HPSE2: variants seen among roughly 807,000 people sequenced by gnomAD.
HPSE2 encodes the protein inactive heparanase-2.
A neutral mutation model predicts 60.5 loss-of-function variants in HPSE2; 38 were observed. The observed-to-expected ratio is 0.63, with a 90% CI of 0.48 to 0.82. The LOEUF (loss-of-function observed/expected upper bound fraction) is 0.82, where lower values mean the gene tolerates loss of function less well. Ranked by LOEUF, HPSE2 falls within the 40% of genes least tolerant of loss-of-function variation. The probability of loss-of-function intolerance (pLI) is 0.00; values close to 1 mark genes in which losing one functional copy is unlikely to be tolerated. For synonymous variants in HPSE2, 295 were observed against 293.2 expected, an observed-to-expected ratio of 1.01 and a Z score of -0.06; for missense variants, 713 against 740.4, an observed-to-expected ratio of 0.96 and a Z score of 0.43.
intron 2 of HPSE2, among the ~76,000 whole-genome samples, chr10:99,181,486 G>A (rs957033695): frequency 1.3e-5 from 2 of 150,554 alleles, no homozygotes; most frequent in East Asian, 2.0e-4. Flanking sequence ...CAACCAAAAC[G>A]CCCATCAATG....
At chr10:99,207,862 C>A (rs919216596) in intron 2 of HPSE2, among the ~76,000 whole-genome samples, 30 of 151,796 alleles carry the variant, frequency 2.0e-4, no homozygotes, top group African/African-American at 7.0e-4. Context: ...TGCCTGAAAC[C>A]ACACATAGTA....
upstream of HPSE2, among the ~76,000 whole-genome samples, chr10:99,239,778 G>A (rs1331697344): frequency 6.6e-6 from 1 of 151,884 alleles, no homozygotes; most frequent in Non-Finnish European, 1.5e-5. Flanking sequence ...AATAAAAACT[G>A]TCAACTACTT....
At chr10:98,562,881 A>G (rs913953228) in intron 9 of HPSE2, among the ~76,000 whole-genome samples, 1 of 151,828 alleles carries the variant, frequency 6.6e-6, no homozygotes, top group South Asian at 2.1e-4. Flanking sequence ...TATTTGGATG[A>G]TTTTACAAGA....
At chr10:99,032,784 C>T (rs967813667) in intron 3 of HPSE2, among the ~76,000 whole-genome samples, 3 of 152,140 alleles carry the variant, frequency 2.0e-5, no homozygotes, top group Non-Finnish European at 2.9e-5. Flanking sequence ...TAGAAGCTGT[C>T]CACACTCCTT....
intron 4 of HPSE2, among the ~76,000 whole-genome samples, chr10:98,727,105 G>T (rs1222071698): frequency 6.6e-6 from 1 of 151,992 alleles, no homozygotes; most frequent in Admixed American, 6.6e-5. Context: ...AAAAACTTAA[G>T]AGATATCAGT....
chr10:98,938,231 T>C lies in HPSE2; in HGVS notation c.611-194175A>G, dbSNP rs1387818145. ...TTCCTCACCAGCAACGGAACAAAGC[T>C]GGACGGAGAATGACTTTGACGAGTT... is the stretch of plus-strand genomic sequence containing the variant. On this transcript the variant is annotated intron_variant, in intron 3 of 11. Coordinates refer to ENST00000370552, the MANE Select transcript of HPSE2 (RefSeq NM_021828.5). Among the ~76,000 whole-genome samples the C allele has an allele frequency of 9.0e-4, 131 of 145,032 alleles. 5 individuals are homozygous for C. The highest frequency in any genetic ancestry group is 8.9e-3 in the Admixed American group (131 of 14,676).
chr10:98,803,060 T>G (rs1950953791), intron 3 of HPSE2, among the ~76,000 whole-genome samples: 1 of 151,290 alleles, frequency 6.6e-6, no homozygotes, highest in South Asian at 2.1e-4. Context: ...TTTGCATTTC[T>G]CTGATGGCCA....
intron 3 of HPSE2, among the ~76,000 whole-genome samples, chr10:99,120,678 T>G (rs1844915661): frequency 6.6e-6 from 1 of 152,300 alleles, no homozygotes; most frequent in East Asian, 1.9e-4. Context: ...TTCACCATGT[T>G]GGCCAGGATG....
At chr10:98,875,473 C>T (rs996233706) in intron 3 of HPSE2, among the ~76,000 whole-genome samples, 2 of 151,928 alleles carry the variant, frequency 1.3e-5, no homozygotes, top group African/African-American at 2.4e-5. Context: ...CAAGACTAAA[C>T]CAGGAAGAAG....
At chr10:99,297,508 C>T in the HPSE2 span, among the ~76,000 whole-genome samples, 1 of 152,246 alleles carries the variant, frequency 6.6e-6, no homozygotes, top group East Asian at 1.9e-4. Flanking sequence ...ATGTCCTTGT[C>T]ACCCCTTCTC....
At chr10:98,880,561 T>A (rs1292546156) in intron 3 of HPSE2, among the ~76,000 whole-genome samples, 1 of 152,064 alleles carries the variant, frequency 6.6e-6, no homozygotes, top group African/African-American at 2.4e-5. Flanking sequence ...GTAACTCAGA[T>A]GTCCTGCTCT....
intron 9 of HPSE2, among the ~76,000 whole-genome samples, chr10:98,499,628 G>T (rs1449687240): frequency 6.6e-6 from 1 of 151,942 alleles, no homozygotes; most frequent in African/African-American, 2.4e-5. Context: ...AAAAACCAAG[G>T]TACACAGGCA....
At chr10:98,790,323 T>C (rs1426077163) in intron 3 of HPSE2, among the ~76,000 whole-genome samples, 2 of 152,218 alleles carry the variant, frequency 1.3e-5, no homozygotes, top group African/African-American at 4.8e-5. Context: ...CCAATTTCAA[T>C]TCCTTTGGAT....
chr10:99,179,309 A>G (rs1847661313), intron 2 of HPSE2, among the ~76,000 whole-genome samples: 2 of 152,232 alleles, frequency 1.3e-5, no homozygotes, highest in Non-Finnish European at 2.9e-5. Context: ...GTATTCAAAT[A>G]GGAAAAGAGG....
the HPSE2 span, among the ~76,000 whole-genome samples, chr10:99,303,550 C>A: frequency 6.6e-6 from 1 of 152,150 alleles, no homozygotes; most frequent in African/African-American, 2.4e-5. Flanking sequence ...AATGGAAGGG[C>A]CCCTATCAGG....
At chr10:98,476,321 T>G (rs1215378384) in intron 11 of HPSE2, among the ~76,000 whole-genome samples, 5 of 93,352 alleles carry the variant, frequency 5.4e-5, no homozygotes, top group East Asian at 3.7e-4. Flanking sequence ...TGGGGACTGT[T>G]GTGGGGTGGG....
chr10:99,164,512 G>T (rs1846987655), intron 2 of HPSE2, among the ~76,000 whole-genome samples: 1 of 151,220 alleles, frequency 6.6e-6, no homozygotes, highest in South Asian at 2.1e-4. Flanking sequence ...ACAAAACCTG[G>T]TTCCTTTTGT....
chr10:99,286,611 G>T, the HPSE2 span, among the ~76,000 whole-genome samples: 8 of 152,106 alleles, frequency 5.3e-5, no homozygotes, highest in African/African-American at 7.2e-5. Flanking sequence ...GGAAATAATG[G>T]TGATGACTGT....
At chr10:98,548,042 A>T (rs967681001) in intron 9 of HPSE2, among the ~76,000 whole-genome samples, 2 of 152,200 alleles carry the variant, frequency 1.3e-5, no homozygotes, top group Non-Finnish European at 2.9e-5. Flanking sequence ...AAATACAGAT[A>T]TGGACAACAC....
Sources: gnomAD v4.1 joint callset for allele counts (sites outside exome capture counted in the v4.1 genomes callset) on GRCh38, gnomAD v4.1.1 for gene constraint, MANE v1.5 for transcripts, NCBI Gene and HGNC (gene_info 2026-07-23, HGNC 2026-07-21) for gene names.